The following RBFOX1 variants were observed in gnomAD, a reference collection of about 807,000 sequenced individuals.
RBFOX1 encodes RNA binding fox-1 homolog 1.
Under a neutral mutation model 57.7 loss-of-function variants are expected in RBFOX1, and 8 were observed. The ratio of observed to expected loss-of-function variants is 0.14; its 90% CI spans 0.08 to 0.25. The LOEUF (loss-of-function observed/expected upper bound fraction) is 0.25, where lower values mean the gene tolerates loss of function less well. RBFOX1 is among the 10% of genes least tolerant of loss of function. RBFOX1 has a pLI of 1.00. For missense variants in RBFOX1, 611 were observed against 548.5 expected, an observed-to-expected ratio of 1.11 and a Z score of -1.14; for synonymous variants, 326 against 222.4, an observed-to-expected ratio of 1.47 and a Z score of -4.15.
chr16:6,052,732 C>T (rs1293488932), intron 1 of RBFOX1, among the ~76,000 whole-genome samples: 1 of 151,228 alleles, frequency 6.6e-6, no homozygotes, highest in Non-Finnish European at 1.5e-5. Flanking sequence ...TGCAGTGAGC[C>T]GAGATCGCGC....
intron 4 of RBFOX1, among the ~76,000 whole-genome samples, chr16:7,219,099 G>A (rs936490951): frequency 6.6e-6 from 1 of 152,144 alleles, no homozygotes; most frequent in African/African-American, 2.4e-5. Context: ...CATTATCCCC[G>A]TCATTGCAGG....
In RBFOX1 at chr16:5,953,130, G is replaced by A. The variant is rs564902370; in HGVS notation, c.351+85795G>A. On this transcript the variant is annotated intron_variant, in intron 4 of 19. Transcript: ENST00000641259. ...ATTGGTTGGGAGGGTGGGGTGGGAG[G>A]TAGGGATATTTTAAAACCTTGCTGG... Among the ~76,000 whole-genome samples, 8 of 152,084 alleles carry A rather than the reference G, an allele frequency of 5.3e-5. No homozygotes were observed. The East Asian group carries it at 7.8e-4, about 15-fold the overall frequency.
At chr16:6,968,441 C>G (rs1467724077) in intron 3 of RBFOX1, among the ~76,000 whole-genome samples, 1 of 152,110 alleles carries the variant, frequency 6.6e-6, no homozygotes, top group African/African-American at 2.4e-5. Context: ...GAAATAAAAG[C>G]ATGCTGCCTG....
intron 5 of RBFOX1, among the ~76,000 whole-genome samples, chr16:7,575,237 C>G (rs533307329): frequency 6.6e-6 from 1 of 152,020 alleles, no homozygotes; most frequent in Non-Finnish European, 1.5e-5. Context: ...TGGATTCAAG[C>G]GATTCTCCTG....
chr16:6,106,885 A>G (rs1411165937), intron 1 of RBFOX1, among the ~76,000 whole-genome samples: 1 of 151,896 alleles, frequency 6.6e-6, no homozygotes, highest in African/African-American at 2.4e-5. Context: ...GTTAGCCAGG[A>G]TGGTCTCAAT....
intron 1 of RBFOX1, among the ~76,000 whole-genome samples, chr16:5,429,575 T>C (rs1473923112): frequency 6.6e-6 from 1 of 152,174 alleles, no homozygotes; most frequent in Non-Finnish European, 1.5e-5. Flanking sequence ...GCTTCCAAGC[T>C]GGCTCGCAGG....
At chr16:7,098,987 G>A (rs556837777) in intron 4 of RBFOX1, among the ~76,000 whole-genome samples, 1 of 152,184 alleles carries the variant, frequency 6.6e-6, no homozygotes, top group Non-Finnish European at 1.5e-5. Context: ...CTTTTTGATT[G>A]ATGGCTGCCT....
chr16:6,126,459 C>T (rs2096590518), intron 1 of RBFOX1, among the ~76,000 whole-genome samples: 1 of 152,048 alleles, frequency 6.6e-6, no homozygotes, highest in Admixed American at 6.6e-5. Flanking sequence ...TAGATACTTC[C>T]AGTGTCCCAT....
At chr16:6,228,520 T>C (rs2097434133) in intron 1 of RBFOX1, among the ~76,000 whole-genome samples, 2 of 152,082 alleles carry the variant, frequency 1.3e-5, no homozygotes, top group Non-Finnish European at 2.9e-5. Context: ...AACAATATGG[T>C]TGAACCTGGA....
intron 2 of RBFOX1, among the ~76,000 whole-genome samples, chr16:5,473,400 GT>G (rs149955722): frequency 3.3e-4 from 49 of 150,330 alleles, no homozygotes; most frequent in African/African-American, 1.0e-3. Context: ...TACTTACCCT[GT>G]TTTTTTTTCT....
chr16:6,888,699 A>T (rs6500865), intron 3 of RBFOX1, among the ~76,000 whole-genome samples: 9,537 of 152,170 alleles, frequency 0.063, 1,051 homozygotes, highest in African/African-American at 0.22. Flanking sequence ...CTAGTAAAAA[A>T]GCTGGGGGAA....
intron 3 of RBFOX1, among the ~76,000 whole-genome samples, chr16:6,758,469 A>G (rs1217909937): frequency 6.6e-6 from 1 of 152,152 alleles, no homozygotes; most frequent in Non-Finnish European, 1.5e-5. Flanking sequence ...AAAATGTTAG[A>G]CAGAGCCTTG....
At chr16:7,338,381 C>T (rs2096832568) in intron 4 of RBFOX1, among the ~76,000 whole-genome samples, 1 of 152,044 alleles carries the variant, frequency 6.6e-6, no homozygotes, top group African/African-American at 2.4e-5. Context: ...TAAAGAAACC[C>T]TATACTCCAT....
chr16:7,328,155 C>A (rs763203501), intron 4 of RBFOX1, among the ~76,000 whole-genome samples: 4 of 152,186 alleles, frequency 2.6e-5, no homozygotes, highest in Admixed American at 1.3e-4. Context: ...AGGTGTGCAC[C>A]ACTGTGCCCA....
At chr16:5,309,571 C>T (rs574697808) in intron 1 of RBFOX1, among the ~76,000 whole-genome samples, 1 of 152,226 alleles carries the variant, frequency 6.6e-6, no homozygotes, top group African/African-American at 2.4e-5. Flanking sequence ...AGATATATTG[C>T]ATAGCGGTGA....
chr16:7,170,946 A>C (rs1163365034), intron 4 of RBFOX1, among the ~76,000 whole-genome samples: 3 of 152,076 alleles, frequency 2.0e-5, no homozygotes, highest in Admixed American at 6.5e-5. Context: ...CTTTATTTGT[A>C]TATCAGGTTT....
chr16:6,185,825 AG>A (rs2097101592), intron 1 of RBFOX1, among the ~76,000 whole-genome samples: 1 of 152,180 alleles, frequency 6.6e-6, no homozygotes, highest in South Asian at 2.1e-4. Flanking sequence ...GCGTGAGAGT[AG>A]GAGACAGGAG....
chr16:5,564,140 A>G (rs2045981533), intron 2 of RBFOX1, among the ~76,000 whole-genome samples: 2 of 151,758 alleles, frequency 1.3e-5, no homozygotes, highest in African/African-American at 4.8e-5. Flanking sequence ...CAGCATCCAG[A>G]TAGCTGAGAT....
chr16:7,351,906 C>A (rs910824365), intron 4 of RBFOX1, among the ~76,000 whole-genome samples: 3 of 152,144 alleles, frequency 2.0e-5, no homozygotes, highest in African/African-American at 7.2e-5. Flanking sequence ...AAGGAGTTTC[C>A]AACCCCAACC....
Sources: allele counts gnomAD v4.1 joint callset (sites outside exome capture counted in the v4.1 genomes callset), GRCh38; gene constraint gnomAD v4.1.1; transcripts MANE v1.5; gene names NCBI Gene and HGNC (gene_info 2026-07-23, HGNC 2026-07-21).